Variants in FBH1 observed in about 807,000 individuals in gnomAD.
FBH1 encodes the protein F-box DNA helicase 1.
A neutral mutation model predicts 115.5 loss-of-function variants in FBH1; 43 were observed. The ratio of observed to expected loss-of-function variants is 0.37; its 90% CI spans 0.29 to 0.48. FBH1 has a LOEUF of 0.48. Among genes scored for constraint, FBH1 ranks in the 20% least tolerant of loss-of-function variants. FBH1 has a pLI of 0.99. For synonymous variants in FBH1, 524 were observed against 507.8 expected (o/e 1.03, Z -0.43); for missense variants, 1,001 against 1,337.3 (o/e 0.75, Z 3.92).
chr10:5,907,103 C>T (rs1424576450), intron 3 of FBH1, among the ~76,000 whole-genome samples: 1 of 152,124 alleles, frequency 6.6e-6, no homozygotes, highest in Non-Finnish European at 1.5e-5. Context: ...GCTGGGATTA[C>T]AGGCGTGCGC....
rs777208832 is a variant in FBH1 at position 5,917,544 on chromosome 10, G to C, written c.1876+37G>C. 6 of 1,613,448 alleles carry C rather than the reference G, an allele frequency of 3.7e-6. No individual in the cohort carries two copies. The highest frequency in any genetic ancestry group is 5.1e-6 in the Non-Finnish European group (6 of 1,179,378). On this transcript the variant is annotated intron_variant, in intron 11 of 20. Coordinates refer to ENST00000362091, the MANE Select transcript of FBH1 (RefSeq NM_178150.3). The surrounding 1 kb of genome is among the most constrained non-coding windows in gnomAD (Gnocchi z 5.6). ...CCGAATGGCGGGGACTGGCCAATGG[G>C]ACTGCCTTCCTGGCGTTACAACTCC...
Position 5,909,103 on chromosome 10 carries a change from G to A in FBH1, c.884+48G>A. On this transcript the variant is annotated intron_variant, in intron 4 of 20. Transcript: ENST00000362091. The surrounding 1 kb of genome is among the most constrained non-coding windows in gnomAD (Gnocchi z 4.4). Reference sequence around the variant, plus strand: ...AGAAGGCGTCTTTGAAGTCTTCCTTGTACATCAGTGCTTATGGTCACCCTA... The same window carrying A: ...AGAAGGCGTCTTTGAAGTCTTCCTTATACATCAGTGCTTATGGTCACCCTA... 6.2e-7 allele frequency: 1 copy of A among 1,613,622 alleles called. No homozygotes were observed. The highest frequency in any genetic ancestry group is 8.5e-7 in the Non-Finnish European group (1 of 1,179,932).
Position 5,918,129 on chromosome 10 carries a change from G to A in FBH1, c.1964-213G>A, listed in dbSNP as rs943819245. Among the ~76,000 whole-genome samples the A allele has an allele frequency of 3.3e-5, 5 of 152,200 alleles. No homozygotes were observed. The highest frequency in any genetic ancestry group is 1.2e-4 in the African/African-American group (5 of 41,454). On this transcript the variant is annotated intron_variant, in intron 12 of 20. Transcript: ENST00000362091. This position sits in a 1 kb window ranked among gnomAD's most constrained non-coding sequence, Gnocchi z 4.0. ...TATATTCCAACAATTCATCCAAGGC[G>A]AAACATAATCTGCATTCCTAGCACC...
chr10:5,905,980 A>C, intron 2 of FBH1, 57 bp from the exon 3 acceptor site: 3 of 1,261,616 alleles, frequency 2.4e-6, no homozygotes, highest in Non-Finnish European at 3.4e-6. Context: ...ATGGATTAAC[A>C]GCAGGTCAAC....
chr10:5,906,316 A>G lies in FBH1; in HGVS notation c.437A>G (p.Lys146Arg), dbSNP rs761110537. The G allele has an allele frequency of 6.2e-7, 1 of 1,614,100 alleles. No individual in the cohort carries two copies. The highest frequency in any genetic ancestry group is 2.2e-5 in the East Asian group (1 of 44,898). Residue 146 changes from lysine to arginine, a missense_variant, in exon 3 of 21, where the codon AAA (lysine) becomes AGA (arginine). Transcript: ENST00000362091. This position sits in a 1 kb window ranked among gnomAD's most constrained non-coding sequence, Gnocchi z 7.3. ...GTSRWDGVSK[K>R]APRHHLSVPC... ...AGCCGGTGGGATGGAGTTTCTAAGA[A>G]AGCTCCACGGCACCATTTGTCTGTG...
Position 5,897,339 on chromosome 10 carries a change from A to G in FBH1, c.2-5681A>G, listed in dbSNP as rs563314362. On this transcript the variant is annotated intron_variant, in intron 1 of 20. Coordinates refer to ENST00000362091, the MANE Select transcript of FBH1 (RefSeq NM_178150.3). This position sits in a 1 kb window ranked among gnomAD's most constrained non-coding sequence, Gnocchi z 4.7. ...ACCCCACAGCCTCGGAGGGGCTTTA[A>G]GGGAACATTAAGTGTAAAGCGTGTA... Among the ~76,000 whole-genome samples, 9 of 152,290 alleles carry G rather than the reference A, an allele frequency of 5.9e-5. No individual in the cohort carries two copies. Among genetic ancestry groups the G allele is most frequent in the African/African-American group, 2.2e-4 (9 of 41,560 alleles).
In FBH1 at chr10:5,906,213, G is replaced by A; in HGVS notation, c.334G>A (p.Gly112Ser). The A allele has an allele frequency of 6.2e-7, 1 of 1,614,194 alleles. No individual in the cohort carries two copies. Among genetic ancestry groups the A allele is most frequent in the Non-Finnish European group, 8.5e-7 (1 of 1,180,026 alleles). The stretch of plus-strand genomic sequence containing the variant: ...GCCTCAGGAAGGCAGTGCAGGGCCG[G>A]GCTCACCAGGGTCTGCCCCGCCCTC... The part of the protein sequence containing the change: ...ALPQEGSAGP[G>S]SPGSAPPSRK... Residue 112 changes from glycine (G) to serine (S), a missense_variant, in exon 3 of 21, where the codon GGC becomes AGC. Gly to Ser is a moderately conservative substitution (Grantham distance 56). Coordinates refer to ENST00000362091, the MANE Select transcript of FBH1 (RefSeq NM_178150.3). The surrounding 1 kb of genome is among the most constrained non-coding windows in gnomAD (Gnocchi z 7.3).
In FBH1 at chr10:5,902,210, A is replaced by G. The variant is rs150380072; in HGVS notation, c.2-810A>G. 7.6e-3 allele frequency among the ~76,000 whole-genome samples: 1,163 copies of G among 152,128 alleles called. 14 individuals carry two copies. Among genetic ancestry groups the G allele is most frequent in the African/African-American group, 0.027 (1,110 of 41,478 alleles). Reference sequence around the variant, plus strand: ...CAATACCAAGGGGCTCGGGGGGCTGAGACATGTGTGCCCTTTGGTCCTTCT... The same window carrying G: ...CAATACCAAGGGGCTCGGGGGGCTGGGACATGTGTGCCCTTTGGTCCTTCT... On this transcript the variant is annotated intron_variant, in intron 1 of 20. Transcript: ENST00000362091.
rs368109604 is a variant in FBH1 at position 5,906,144 on chromosome 10, T to C, written c.265T>C (p.Ser89Pro). 6.2e-7 allele frequency: 1 copy of C among 1,614,158 alleles called. No individual in the cohort carries two copies. Among genetic ancestry groups the C allele is most frequent in the Non-Finnish European group, 8.5e-7 (1 of 1,180,026 alleles). ...NSVGQDSCQD[S>P]EGDMIFPAES... Reference sequence around the variant, plus strand: ...TGTTGGCCAGGACAGCTGTCAGGACTCTGAGGGTGACATGATCTTTCCTGC... The same window carrying C: ...TGTTGGCCAGGACAGCTGTCAGGACCCTGAGGGTGACATGATCTTTCCTGC... The change falls in exon 3 of 21, where the codon TCT (serine) becomes CCT (proline). Residue 89 changes from serine (S) to proline (P), a missense_variant. By Grantham distance (74) the Ser-to-Pro change is moderately conservative. Around this residue, in one of 4 missense-constraint regions of FBH1, gnomAD observed 420 missense variants for 430.4 expected, o/e 0.98. Transcript: ENST00000362091. The surrounding 1 kb of genome is among the most constrained non-coding windows in gnomAD (Gnocchi z 7.3).
Position 5,937,297 on chromosome 10 carries a change from C to G in FBH1, c.*17C>G, listed in dbSNP as rs1444819747. 6.4e-7 allele frequency: 1 copy of G among 1,568,494 alleles called. No homozygotes were observed. The highest frequency in any genetic ancestry group is 1.2e-5 in the South Asian group (1 of 84,532). On this transcript the variant is annotated 3_prime_UTR_variant, in exon 21 of 21. Transcript: ENST00000362091. ...GTCTTCTGAGGACAAGGCGCACGTT[C>G]TCCGCAGTGCAGAGCAGCTTGCCGA...
At chr10:5,902,569 C>T (rs775545450) in intron 1 of FBH1, among the ~76,000 whole-genome samples, 41 of 152,110 alleles carry the variant, frequency 2.7e-4, no homozygotes, top group South Asian at 6.2e-4. Flanking sequence ...TGGGTTCAAG[C>T]GATTGTCTTG....
chr10:5,914,415 A>T lies in FBH1; in HGVS notation c.1396+146A>T, dbSNP rs1831799032. 1 of 713,764 alleles carries T rather than the reference A, an allele frequency of 1.4e-6. No homozygotes were observed. Among genetic ancestry groups the T allele is most frequent in the Admixed American group, 2.6e-5 (1 of 38,318 alleles). 44.2% of individuals were successfully genotyped at this position (713,764 alleles called of 1,614,324 possible). A position where few individuals can be genotyped will look rare whatever the true frequency, so the allele number is the denominator to read the frequency against. On this transcript the variant is annotated intron_variant, in intron 8 of 20. Transcript: ENST00000362091. This position sits in a 1 kb window ranked among gnomAD's most constrained non-coding sequence, Gnocchi z 5.2. Reference sequence around the variant, plus strand: ...AACAGATCAAATAATCAATCTCAAAAGCAATTGGCCAAGGAATACTTACTT... The same window carrying T: ...AACAGATCAAATAATCAATCTCAAATGCAATTGGCCAAGGAATACTTACTT...
intron 1 of FBH1, among the ~76,000 whole-genome samples, chr10:5,899,495 C>G (rs1215713414): frequency 6.6e-6 from 1 of 152,110 alleles, no homozygotes; most frequent in East Asian, 1.9e-4. Flanking sequence ...TACCCTTCAT[C>G]AGGACACATA....
In FBH1 at chr10:5,924,740, A is replaced by AT; in HGVS notation, c.2596+238dup. 1 of 574,636 alleles carries AT rather than the reference A, an allele frequency of 1.7e-6. No individual in the cohort carries two copies. The highest frequency in any genetic ancestry group is 3.3e-6 in the Non-Finnish European group (1 of 307,042). 35.6% of individuals were successfully genotyped at this position (574,636 alleles called of 1,614,324 possible). A position where few individuals can be genotyped will look rare whatever the true frequency, so the allele number is the denominator to read the frequency against. ...CACCACCAGCCCGGCTAGTTTGTGT[A>AT]TTTTTTGTAGAGATGGAGTCTCACC... is the stretch of plus-strand genomic sequence containing the variant. On this transcript the variant is annotated intron_variant, in intron 17 of 20. Coordinates refer to ENST00000362091, the MANE Select transcript of FBH1 (RefSeq NM_178150.3). This position sits in a 1 kb window ranked among gnomAD's most constrained non-coding sequence, Gnocchi z 6.2.
At position 5,914,396 on chromosome 10, in the gene FBH1, T is replaced by C; in HGVS notation, c.1396+127T>C. ...ATCCAACTAATAATTCAATAACAGA[T>C]CAAATAATCAATCTCAAAAGCAATT... On this transcript the variant is annotated intron_variant, in intron 8 of 20. Coordinates refer to ENST00000362091, the MANE Select transcript of FBH1 (RefSeq NM_178150.3). The surrounding 1 kb of genome is among the most constrained non-coding windows in gnomAD (Gnocchi z 5.2). 1.3e-6 allele frequency: 1 copy of C among 767,978 alleles called. No individual in the cohort carries two copies. The highest frequency in any genetic ancestry group is 2.2e-6 in the Non-Finnish European group (1 of 457,268). The allele number at this position is 767,978 out of a possible 1,614,324, so 47.6% of individuals were successfully genotyped here.
chr10:5,898,379 AC>A (rs1410666746), intron 1 of FBH1, among the ~76,000 whole-genome samples: 4 of 149,918 alleles, frequency 2.7e-5, no homozygotes, highest in Non-Finnish European at 5.9e-5. Flanking sequence ...TGGGGACTCC[AC>A]CCTTGTGACC....
intron 1 of FBH1, among the ~76,000 whole-genome samples, chr10:5,898,492 C>A (rs1282407358): frequency 6.6e-6 from 1 of 152,044 alleles, no homozygotes; most frequent in Non-Finnish European, 1.5e-5. Flanking sequence ...CTCACAGCAA[C>A]CTCCACCTCC....
chr10:5,917,276 C>G lies in FBH1; in HGVS notation c.1789-144C>G. On this transcript the variant is annotated intron_variant, in intron 10 of 20. Transcript: ENST00000362091. This position sits in a 1 kb window ranked among gnomAD's most constrained non-coding sequence, Gnocchi z 5.6. ...GGCGTGGAGAGGCTGTTGAGGAGAC[C>G]CAGGAGGTTAGGGTGGTGTCTGCGG... 1.5e-6 allele frequency: 1 copy of G among 669,508 alleles called. No homozygotes were observed. Among genetic ancestry groups the G allele is most frequent in the Non-Finnish European group, 2.7e-6 (1 of 372,426 alleles). The allele number at this position is 669,508 out of a possible 1,614,324, so 41.5% of individuals were successfully genotyped here.
chr10:5,924,072 A>T lies in FBH1; in HGVS notation c.2399-239A>T. 1 of 586,152 alleles carries T rather than the reference A, an allele frequency of 1.7e-6. No individual in the cohort carries two copies. Among genetic ancestry groups the T allele is most frequent in the South Asian group, 2.1e-5 (1 of 47,456 alleles). 36.3% of individuals were successfully genotyped at this position (586,152 alleles called of 1,614,324 possible). On this transcript the variant is annotated intron_variant, in intron 16 of 20. Transcript: ENST00000362091. The surrounding 1 kb of genome is among the most constrained non-coding windows in gnomAD (Gnocchi z 6.2). ...GACTGCACTATTTCAAATCCCTGTGAAGTAGGTGAGGATCTTGAGCCGAGG... is the reference window on the plus strand; with the variant it reads ...GACTGCACTATTTCAAATCCCTGTGTAGTAGGTGAGGATCTTGAGCCGAGG...
Sources: allele counts gnomAD v4.1 joint callset (sites outside exome capture counted in the v4.1 genomes callset), GRCh38; gene constraint gnomAD v4.1.1; regional missense constraint gnomAD v4.1.1; non-coding constraint Gnocchi (gnomAD v3.1); transcripts MANE v1.5; gene names NCBI Gene and HGNC (gene_info 2026-07-23, HGNC 2026-07-21).